The following OLFM3 variants were observed in gnomAD, a reference collection of about 807,000 sequenced individuals.
OLFM3 encodes noelin-3.
In OLFM3, 20 loss-of-function variants were observed where a neutral mutation model predicts 48.6. That is an observed-to-expected ratio of 0.41 (90% CI 0.29 to 0.60). OLFM3 has a LOEUF of 0.60. Among genes scored for constraint, OLFM3 ranks in the 20% least tolerant of loss-of-function variants. The pLI is 0.28. For missense variants in OLFM3, 437 were observed against 544.3 expected, an observed-to-expected ratio of 0.80 and a Z score of 1.96; for synonymous variants, 222 against 198.1, an observed-to-expected ratio of 1.12 and a Z score of -1.01.
intron 1 of OLFM3, among the ~76,000 whole-genome samples, chr1:101,921,221 AC>A (rs2101038218): frequency 6.6e-6 from 1 of 152,120 alleles, no homozygotes; most frequent in South Asian, 2.1e-4. Context: ...ACACACACAC[AC>A]ACACACACAC....
intron 1 of OLFM3, chr1:101,859,870 A>G (rs1179084333): frequency 6.6e-6 from 1 of 152,126 alleles, no homozygotes; most frequent in Non-Finnish European, 1.5e-5. Flanking sequence ...TGAACAGCAC[A>G]TATACTAACA....
Position 101,809,060 on chromosome 1 carries a change from T to C in OLFM3, c.593-2878A>G, listed in dbSNP as rs969478572. Among the ~76,000 whole-genome samples the C allele has an allele frequency of 2.0e-5, 3 of 149,602 alleles. 1 individual carries two copies. Among genetic ancestry groups the C allele is most frequent in the Non-Finnish European group, 3.0e-5 (2 of 67,194 alleles). On this transcript the variant is annotated intron_variant, in intron 4 of 5. Coordinates refer to ENST00000370103, the MANE Select transcript of OLFM3 (RefSeq NM_058170.4). ...AAAGCAAAAGAGATAAAAATGAAAATAAGAGAAAAAATATGGAGGCATCTA... is the reference window on the plus strand; with the variant it reads ...AAAGCAAAAGAGATAAAAATGAAAACAAGAGAAAAAATATGGAGGCATCTA...
At chr1:101,955,026 T>C (rs1244679691) in intron 1 of OLFM3, among the ~76,000 whole-genome samples, 2 of 152,072 alleles carry the variant, frequency 1.3e-5, no homozygotes, top group Non-Finnish European at 2.9e-5. Context: ...TGGTTCATTA[T>C]GAGGCTATTT....
At chr1:101,879,763 G>C (rs1657444773) in intron 1 of OLFM3, among the ~76,000 whole-genome samples, 1 of 151,746 alleles carries the variant, frequency 6.6e-6, no homozygotes, top group Non-Finnish European at 1.5e-5. Context: ...AGTGATGCAA[G>C]GTTTACTTGG....
chr1:101,866,798 A>C (rs1656879648), intron 1 of OLFM3, among the ~76,000 whole-genome samples: 1 of 152,224 alleles, frequency 6.6e-6, no homozygotes, highest in Non-Finnish European at 1.5e-5. Context: ...ACAGATAGTA[A>C]GTATGACTCG....
At chr1:101,912,143 G>A (rs1658779681) in intron 1 of OLFM3, among the ~76,000 whole-genome samples, 1 of 152,122 alleles carries the variant, frequency 6.6e-6, no homozygotes, top group Non-Finnish European at 1.5e-5. Context: ...TAACCTGACA[G>A]CACTTTTTCT....
intron 1 of OLFM3, among the ~76,000 whole-genome samples, chr1:101,863,133 G>A (rs1352803859): frequency 1.3e-5 from 2 of 151,768 alleles, no homozygotes; most frequent in Non-Finnish European, 2.9e-5. Context: ...GTTAACTTTT[G>A]TATTTTTTAG....
At chr1:101,839,335 G>A (rs191705260) in intron 1 of OLFM3, among the ~76,000 whole-genome samples, 1 of 152,126 alleles carries the variant, frequency 6.6e-6, no homozygotes, top group African/African-American at 2.4e-5. Flanking sequence ...TACTGGGTTA[G>A]TCTTTTAGTA....
At chr1:101,940,205 C>A (rs1355740700) in intron 1 of OLFM3, among the ~76,000 whole-genome samples, 1 of 151,968 alleles carries the variant, frequency 6.6e-6, no homozygotes, top group African/African-American at 2.4e-5. Context: ...AACAGTGATA[C>A]TGGGTCAGTA....
intron 1 of OLFM3, among the ~76,000 whole-genome samples, chr1:101,897,833 C>G (rs1658256200): frequency 6.6e-6 from 1 of 151,998 alleles, no homozygotes; most frequent in Non-Finnish European, 1.5e-5. Flanking sequence ...ATAATGATTT[C>G]TAGAGTAAAC....
chr1:101,996,247 A>G (rs748489855), intron 1 of OLFM3, among the ~76,000 whole-genome samples: 43 of 152,300 alleles, frequency 2.8e-4, no homozygotes, highest in Admixed American at 2.2e-3. Context: ...CTGCTCTGCC[A>G]TGTGTTTTAC....
chr1:101,985,213 T>C (rs1661202215), intron 1 of OLFM3, among the ~76,000 whole-genome samples: 1 of 152,232 alleles, frequency 6.6e-6, no homozygotes, highest in South Asian at 2.1e-4. Context: ...CCATTTTGAT[T>C]ATACTGAGCC....
intron 1 of OLFM3, among the ~76,000 whole-genome samples, chr1:101,891,888 T>TA: frequency 6.6e-6 from 1 of 152,130 alleles, no homozygotes; most frequent in South Asian, 2.1e-4. Flanking sequence ...TTGCCATTTT[T>TA]AAAAAATATA....
chr1:101,952,996 C>T (rs1332328263), intron 1 of OLFM3, among the ~76,000 whole-genome samples: 2 of 151,982 alleles, frequency 1.3e-5, no homozygotes, highest in Non-Finnish European at 2.9e-5. Flanking sequence ...TTTATTCTAC[C>T]TTTAAGTTTT....
chr1:101,812,022 C>T (rs553657199), intron 4 of OLFM3, among the ~76,000 whole-genome samples: 9 of 152,240 alleles, frequency 5.9e-5, no homozygotes, highest in East Asian at 3.9e-4. Context: ...AGGATGAGTT[C>T]GTGTCCTTTG....
At chr1:101,969,644 A>G (rs1349032469) in intron 1 of OLFM3, among the ~76,000 whole-genome samples, 1 of 152,128 alleles carries the variant, frequency 6.6e-6, no homozygotes, top group Non-Finnish European at 1.5e-5. Context: ...GAGATTTTCT[A>G]TTTCTATGTC....
At chr1:101,958,748 G>A (rs192855102) in intron 1 of OLFM3, among the ~76,000 whole-genome samples, 1 of 151,330 alleles carries the variant, frequency 6.6e-6, no homozygotes, top group East Asian at 1.9e-4. Flanking sequence ...AGTGGGTATA[G>A]TCTCTTAAAT....
At chr1:101,962,008 T>TA (rs1350719428) in intron 1 of OLFM3, among the ~76,000 whole-genome samples, 1 of 152,280 alleles carries the variant, frequency 6.6e-6, no homozygotes, top group East Asian at 1.9e-4. Context: ...TTCATTTTAT[T>TA]CACCAAAATC....
At chr1:101,944,648 G>A (rs1385592894) in intron 1 of OLFM3, among the ~76,000 whole-genome samples, 1 of 152,116 alleles carries the variant, frequency 6.6e-6, no homozygotes, top group Non-Finnish European at 1.5e-5. Context: ...GGGAGTCCGA[G>A]GTGTGCAGAT....
Sources: gnomAD v4.1 joint callset for allele counts (sites outside exome capture counted in the v4.1 genomes callset) on GRCh38, gnomAD v4.1.1 for gene constraint, MANE v1.5 for transcripts, NCBI Gene and HGNC (gene_info 2026-07-23, HGNC 2026-07-21) for gene names.